NEXMIF: variants seen among roughly 807,000 people sequenced by gnomAD.
The protein encoded by NEXMIF is XLMR protein related to neurite extension.
A neutral mutation model predicts 62.1 loss-of-function variants in NEXMIF; 8 were observed. The ratio of observed to expected loss-of-function variants is 0.13; its 90% confidence interval spans 0.08 to 0.23. NEXMIF has a LOEUF of 0.23. NEXMIF is among the 10% of genes least tolerant of loss of function. The pLI, the probability that NEXMIF is intolerant of heterozygous loss-of-function variation, is 1.00. For missense variants in NEXMIF, 976 were observed against 1,113.3 expected, an observed-to-expected ratio of 0.88 and a Z score of 1.75; for synonymous variants, 404 against 416.6, an observed-to-expected ratio of 0.97 and a Z score of 0.37.
At chrX:74,750,996 G>T (rs1338405247) in intron 1 of NEXMIF, among the ~76,000 whole-genome samples, 1 of 111,606 alleles carries the variant, frequency 9.0e-6, no homozygotes, top group Non-Finnish European at 1.9e-5. Context: ...GGGAGGCTGA[G>T]GTGGGCGAAT....
At chrX:74,868,185 A>T (rs1479224407) in intron 1 of NEXMIF, among the ~76,000 whole-genome samples, 1 of 112,275 alleles carries the variant, frequency 8.9e-6, no homozygotes, top group African/African-American at 3.2e-5. Context: ...TGGGAATGTA[A>T]ATTAGTTCAA....
chrX:74,853,491 A>T (rs752846643), intron 1 of NEXMIF, among the ~76,000 whole-genome samples: 43 of 109,048 alleles, frequency 3.9e-4, no homozygotes, highest in African/African-American at 1.4e-3. Context: ...TGCCACATTG[A>T]ATGTACCTGG....
chrX:74,869,172 G>A (rs1373929608), intron 1 of NEXMIF, among the ~76,000 whole-genome samples: 2 of 111,926 alleles, frequency 1.8e-5, no homozygotes, highest in Non-Finnish European at 3.8e-5. Flanking sequence ...TTCAACATAT[G>A]CAAATCAATC....
chrX:74,792,007 C>T (rs1441638724), intron 1 of NEXMIF, among the ~76,000 whole-genome samples: 6 of 109,340 alleles, frequency 5.5e-5, no homozygotes, highest in African/African-American at 9.9e-5. Flanking sequence ...TATTTCTTGC[C>T]TTCTGCTAGC....
At chrX:74,887,786 C>G (rs1349482070) in intron 1 of NEXMIF, among the ~76,000 whole-genome samples, 1 of 111,769 alleles carries the variant, frequency 8.9e-6, no homozygotes, top group Non-Finnish European at 1.9e-5. Context: ...CCCAGCCATC[C>G]CATTACTGGG....
chrX:74,854,928 A>G (rs1198091704), intron 1 of NEXMIF, among the ~76,000 whole-genome samples: 1 of 112,315 alleles, frequency 8.9e-6, no homozygotes, highest in Non-Finnish European at 1.9e-5. Flanking sequence ...GAAAACAAAC[A>G]AATAAAAATA....
chrX:74,919,457 C>T (rs2080818736), intron 1 of NEXMIF, among the ~76,000 whole-genome samples: 1 of 111,236 alleles, frequency 9.0e-6, no homozygotes. Context: ...GTGGCTTATA[C>T]TAAGGTGATC....
At chrX:74,867,241 A>T (rs925135473) in intron 1 of NEXMIF, among the ~76,000 whole-genome samples, 2 of 112,211 alleles carry the variant, frequency 1.8e-5, no homozygotes, top group Middle Eastern at 9.3e-3. Context: ...TTACCATTAC[A>T]CTACCATTGA....
At chrX:74,809,838 T>C (rs2080355433) in intron 1 of NEXMIF, among the ~76,000 whole-genome samples, 1 of 111,849 alleles carries the variant, frequency 8.9e-6, no homozygotes, top group African/African-American at 3.3e-5. Context: ...ACACAGTAGA[T>C]ACTCATTATT....
chrX:74,798,902 G>A (rs1246635415), intron 1 of NEXMIF, among the ~76,000 whole-genome samples: 1 of 106,517 alleles, frequency 9.4e-6, no homozygotes, highest in African/African-American at 3.4e-5. Flanking sequence ...AAGGAAAGAT[G>A]TAAAGAAAAC....
chrX:74,742,931 A>G lies in NEXMIF; in HGVS notation c.1626T>C (p.Tyr542=), dbSNP rs754829718. The part of the protein sequence containing the change: ...TRKEPPVIIK[Y]IIINRFKGEK... ...CACCTTTAAAGCGATTAATGATGAT[A>G]TATTTGATAATAACAGGGGGCTCCT... The change falls in exon 3 of 4, where the codon TAT becomes TAC. Residue 542 remains tyrosine (Y), a synonymous_variant. Transcript: ENST00000055682. The G allele has an allele frequency of 2.5e-6, 3 of 1,210,406 alleles. No individual in the cohort carries two copies. Among genetic ancestry groups the G allele is most frequent in the Admixed American group, 4.4e-5 (2 of 45,959 alleles).
rs907474629 is a variant in NEXMIF at position 74,737,774 on chromosome X, C to T, written c.*1631G>A. The T allele has an allele frequency of 1.5e-4, 17 of 111,475 alleles. No homozygotes were observed. Among genetic ancestry groups the T allele is most frequent in the African/African-American group, 5.2e-4 (16 of 30,521 alleles). The allele number at this position is 111,475 out of a possible 1,213,427, so 9.2% of individuals were successfully genotyped here. On this transcript the variant is annotated 3_prime_UTR_variant, in exon 4 of 4. Transcript: ENST00000055682. ...TTTGCTTAAAATTTTCCTTTTGAAA[C>T]ATCTTCCCTTTTTTTGTTAAATCCC...
Position 74,854,784 on chromosome X carries a change from C to A in NEXMIF, c.-48+70099G>T, listed in dbSNP as rs768282783. Among the ~76,000 whole-genome samples the A allele has an allele frequency of 2.7e-4, 30 of 111,177 alleles. 1 individual carries two copies. In the East Asian group the frequency reaches 8.4e-3, roughly 31 times the overall value. On this transcript the variant is annotated intron_variant, in intron 1 of 3. Coordinates refer to ENST00000055682, the MANE Select transcript of NEXMIF (RefSeq NM_001008537.3). ...AATAATCAACTAGCTGAGAAGAAATCAAGAAGGCAATCCCATTTACAATAG... is the reference window on the plus strand; with the variant it reads ...AATAATCAACTAGCTGAGAAGAAATAAAGAAGGCAATCCCATTTACAATAG...
At chrX:74,751,413 T>A (rs2080141882) in intron 1 of NEXMIF, among the ~76,000 whole-genome samples, 1 of 111,384 alleles carries the variant, frequency 9.0e-6, no homozygotes, top group African/African-American at 3.3e-5. Context: ...CTAAGGGTTC[T>A]TTTAGTTCCT....
intron 1 of NEXMIF, among the ~76,000 whole-genome samples, chrX:74,880,144 AG>A (rs2080656990): frequency 8.9e-6 from 1 of 112,213 alleles, no homozygotes; most frequent in African/African-American, 3.2e-5. Context: ...TTTTTATGTA[AG>A]TCACTCTATA....
intron 1 of NEXMIF, among the ~76,000 whole-genome samples, chrX:74,889,694 A>AAG (rs3040890): frequency 0.24 from 26,620 of 108,669 alleles, 4,830 homozygotes; most frequent in East Asian, 0.9. Flanking sequence ...AACCATTAAA[A>AAG]AGAGAGCTAA....
rs142634960 is a variant in NEXMIF, at chrX:74,811,813, T to C, written c.-47-66116A>G. ...GGCTCCCTACAGCACAGTAACAAGA[T>C]TCCCTTGTTCCTCACAGTGTCCCAG... is the stretch of plus-strand genomic sequence containing the variant. On this transcript the variant is annotated intron_variant, in intron 1 of 3. Transcript: ENST00000055682. Among the ~76,000 whole-genome samples, 965 of 112,839 alleles carry C rather than the reference T, an allele frequency of 8.6e-3. 11 individuals carry two copies. Among genetic ancestry groups the C allele is most frequent in the African/African-American group, 0.03 (925 of 31,143 alleles).
chrX:74,799,053 G>A (rs2080321204), intron 1 of NEXMIF, among the ~76,000 whole-genome samples: 1 of 110,654 alleles, frequency 9.0e-6, no homozygotes, highest in African/African-American at 3.3e-5. Context: ...TTTGTAGGGA[G>A]GGGGTCTTGC....
intron 1 of NEXMIF, among the ~76,000 whole-genome samples, chrX:74,803,624 A>G (rs2080336590): frequency 1.8e-5 from 2 of 111,070 alleles, no homozygotes; most frequent in South Asian, 7.6e-4. Flanking sequence ...AAGGTCAATG[A>G]TAAAGAAAGG....
Sources: allele counts gnomAD v4.1 joint callset (sites outside exome capture counted in the v4.1 genomes callset), GRCh38; gene constraint gnomAD v4.1.1; transcripts MANE v1.5; gene names NCBI Gene and HGNC (gene_info 2026-07-23, HGNC 2026-07-21).